NME7: variants seen among roughly 807,000 people sequenced by gnomAD.
NME7 encodes the protein NME/NM23 family member 7, also known as nucleoside diphosphate kinase 7.
NME7 carries 41 observed loss-of-function variants against 49.1 expected under a neutral mutation model. That is an observed-to-expected ratio of 0.83 (90% CI 0.65 to 1.08). NME7 has a LOEUF of 1.08. Among genes scored for constraint, NME7 ranks in the 50% least tolerant of loss-of-function variants. The pLI, the probability that NME7 is intolerant of heterozygous loss-of-function variation, is 0.00. For synonymous variants in NME7, 139 were observed against 150.6 expected (o/e 0.92, Z 0.56); for missense variants, 423 against 463.4 (o/e 0.91, Z 0.80).
At chr1:169,202,282 A>G (rs1457384969) in intron 10 of NME7, among the ~76,000 whole-genome samples, 4 of 146,026 alleles carry the variant, frequency 2.7e-5, no homozygotes, top group Non-Finnish European at 4.5e-5. Flanking sequence ...CCCTTTGGTG[A>G]TAAGTGAGCT....
intron 6 of NME7, among the ~76,000 whole-genome samples, chr1:169,296,423 C>T (rs775358899): frequency 1.3e-5 from 2 of 151,822 alleles, no homozygotes; most frequent in Non-Finnish European, 2.9e-5. Flanking sequence ...TTTCCTCTTA[C>T]CTCTCTGGTG....
chr1:169,230,007 T>A lies in NME7; in HGVS notation c.990+711A>T, dbSNP rs559888734. On this transcript the variant is annotated intron_variant, in intron 10 of 11. Coordinates refer to ENST00000367811, the MANE Select transcript of NME7 (RefSeq NM_013330.5). ...TAATAAACAATGCCCTGAATAAAAT[T>A]AAATTGAATTGGCTGCTCATCTTCA... 3.4e-3 allele frequency among the ~76,000 whole-genome samples: 511 copies of A among 152,072 alleles called. 3 individuals are homozygous for A. Among genetic ancestry groups the A allele is most frequent in the Middle Eastern group, 0.01 (3 of 294 alleles).
intron 11 of NME7, among the ~76,000 whole-genome samples, chr1:169,155,396 C>T (rs879726180): frequency 2.0e-5 from 3 of 152,198 alleles, no homozygotes; most frequent in Non-Finnish European, 4.4e-5. Flanking sequence ...TATTTTCTCA[C>T]TGACGTTGTT....
chr1:169,303,704 G>T lies in NME7; in HGVS notation c.390-509C>A, dbSNP rs59884330. ...TGACCTCAGGTGATCCACCCACCTC[G>T]GCCTCTCAAAGTGCTGGGATTACAG... On this transcript the variant is annotated intron_variant, in intron 4 of 11. Transcript: ENST00000367811. 3.2e-3 allele frequency among the ~76,000 whole-genome samples: 490 copies of T among 151,976 alleles called. 4 individuals are homozygous for T. Among genetic ancestry groups the T allele is most frequent in the African/African-American group, 0.011 (470 of 41,446 alleles).
chr1:169,238,477 G>GCACACGCACACACA (rs377689410), intron 7 of NME7, among the ~76,000 whole-genome samples: 20 of 124,152 alleles, frequency 1.6e-4, no homozygotes, highest in African/African-American at 5.8e-4. Flanking sequence ...ATGCACAAAG[G>GCACACGCACACACA]CACACACACA....
intron 7 of NME7, among the ~76,000 whole-genome samples, chr1:169,256,830 G>A (rs1571332819): frequency 7.6e-6 from 1 of 132,252 alleles, no homozygotes; most frequent in Non-Finnish European, 1.8e-5. Flanking sequence ...GCCGTGTGAG[G>A]TGTCAGTGTG....
At chr1:169,306,478 G>C (rs897238647) in intron 4 of NME7, among the ~76,000 whole-genome samples, 1 of 152,066 alleles carries the variant, frequency 6.6e-6, no homozygotes, top group East Asian at 1.9e-4. Flanking sequence ...TAAACTAAGG[G>C]GCTGCAATAG....
chr1:169,347,323 T>G (rs968300279), intron 1 of NME7, among the ~76,000 whole-genome samples: 2 of 152,170 alleles, frequency 1.3e-5, no homozygotes, highest in African/African-American at 4.8e-5. Context: ...CTACACTTGA[T>G]CTGAGATGTC....
chr1:169,357,615 T>C (rs754427795), intron 1 of NME7, among the ~76,000 whole-genome samples: 3 of 152,120 alleles, frequency 2.0e-5, no homozygotes, highest in African/African-American at 7.2e-5. Context: ...TAGACAGATA[T>C]TCACCTTTTA....
intron 1 of NME7, among the ~76,000 whole-genome samples, chr1:169,346,981 G>A (rs1156557965): frequency 6.6e-6 from 1 of 152,100 alleles, no homozygotes; most frequent in East Asian, 1.9e-4. Context: ...TGTTGACATG[G>A]AGCTTACTTA....
chr1:169,148,927 C>T (rs1658832631), intron 11 of NME7, among the ~76,000 whole-genome samples: 1 of 152,202 alleles, frequency 6.6e-6, no homozygotes, highest in Admixed American at 6.5e-5. Context: ...TCTCAGTTTT[C>T]TCTTTCACAA....
At chr1:169,311,731 A>C (rs527715902) in intron 3 of NME7, among the ~76,000 whole-genome samples, 7 of 152,346 alleles carry the variant, frequency 4.6e-5, no homozygotes, top group African/African-American at 1.7e-4. Flanking sequence ...TGGCTCTTAA[A>C]GAAAAAATAA....
intron 7 of NME7, among the ~76,000 whole-genome samples, chr1:169,254,934 T>C (rs1648852119): frequency 7.6e-6 from 1 of 132,392 alleles, no homozygotes; most frequent in Non-Finnish European, 1.7e-5. Flanking sequence ...AGAGATAGTT[T>C]GTTATAATTT....
At chr1:169,316,348 G>A (rs1239446040) in intron 3 of NME7, among the ~76,000 whole-genome samples, 1 of 152,068 alleles carries the variant, frequency 6.6e-6, no homozygotes, top group East Asian at 1.9e-4. Flanking sequence ...TTATAGAACT[G>A]TAAGTTAAAT....
chr1:169,239,625 C>T (rs956949934), intron 7 of NME7, among the ~76,000 whole-genome samples: 1 of 151,952 alleles, frequency 6.6e-6, no homozygotes, highest in Non-Finnish European at 1.5e-5. Flanking sequence ...AATAAACTCC[C>T]TGCACAAAAT....
intron 10 of NME7, among the ~76,000 whole-genome samples, chr1:169,181,096 T>C (rs1215037170): frequency 6.6e-6 from 1 of 152,068 alleles, no homozygotes; most frequent in Non-Finnish European, 1.5e-5. Flanking sequence ...TCTAACCATA[T>C]TTCTCATGCT....
intron 10 of NME7, among the ~76,000 whole-genome samples, chr1:169,223,782 T>C (rs1026511924): frequency 6.7e-6 from 1 of 150,286 alleles, no homozygotes; most frequent in African/African-American, 2.5e-5. Flanking sequence ...TGCATATATA[T>C]ATATAGAGAG....
intron 7 of NME7, among the ~76,000 whole-genome samples, chr1:169,251,060 T>C (rs1201660493): frequency 1.3e-5 from 2 of 152,096 alleles, no homozygotes; most frequent in African/African-American, 4.8e-5. Context: ...CTGTCTAGTG[T>C]TGTCGGTGGA....
At chr1:169,357,172 A>G (rs1044277856) in intron 1 of NME7, among the ~76,000 whole-genome samples, 2 of 152,170 alleles carry the variant, frequency 1.3e-5, no homozygotes, top group Non-Finnish European at 1.5e-5. Context: ...TCATTTTACA[A>G]ATGAAGAAAT....
Sources: gnomAD v4.1 joint callset for allele counts (sites outside exome capture counted in the v4.1 genomes callset) on GRCh38, gnomAD v4.1.1 for gene constraint, MANE v1.5 for transcripts, NCBI Gene and HGNC (gene_info 2026-07-23, HGNC 2026-07-21) for gene names.